Variants in ATRN observed in about 807,000 individuals in gnomAD.
The protein encoded by ATRN is attractin, also known as attractin-2.
Under a neutral mutation model 178.7 loss-of-function variants are expected in ATRN, and 54 were observed. The observed-to-expected ratio is 0.30, with a 90% confidence interval of 0.24 to 0.38. The LOEUF is 0.38. Ranked by LOEUF, ATRN falls within the 10% of genes least tolerant of loss-of-function variation. ATRN has a pLI of 1.00. For missense variants in ATRN, 1,443 were observed against 1,815.1 expected, an observed-to-expected ratio of 0.79 and a Z score of 3.73; for synonymous variants, 636 against 663.0, an observed-to-expected ratio of 0.96 and a Z score of 0.63.
intron 24 of ATRN, among the ~76,000 whole-genome samples, chr20:3,607,738 C>T (rs1304567790): frequency 1.3e-5 from 2 of 152,206 alleles, no homozygotes; most frequent in Non-Finnish European, 2.9e-5. Context: ...TGGATATATA[C>T]CCAGCAGCGG....
chr20:3,616,033 T>C (rs1340559488), intron 24 of ATRN: 1 of 114,788 alleles, frequency 8.7e-6, no homozygotes, highest in African/African-American at 3.3e-5. Flanking sequence ...CCCTAAAACT[T>C]AAAGTATAAT....
chr20:3,538,510 G>A (rs768248323), intron 2 of ATRN, among the ~76,000 whole-genome samples: 36 of 152,160 alleles, frequency 2.4e-4, no homozygotes, highest in Non-Finnish European at 4.0e-4. Flanking sequence ...GCTCTGCTGT[G>A]TCCTATCAGT....
chr20:3,480,821 A>T (rs2084609718), intron 1 of ATRN, among the ~76,000 whole-genome samples: 1 of 152,248 alleles, frequency 6.6e-6, no homozygotes, highest in African/African-American at 2.4e-5. Context: ...GTGATTTAAT[A>T]CATTTGTAGG....
chr20:3,591,878 G>A (rs989069963), intron 19 of ATRN, among the ~76,000 whole-genome samples: 4 of 152,186 alleles, frequency 2.6e-5, no homozygotes, highest in African/African-American at 4.8e-5. Context: ...GGGAATAAAG[G>A]CTCCAGGGCT....
chr20:3,609,714 A>ATGTGTG (rs34028518), intron 24 of ATRN, among the ~76,000 whole-genome samples: 6,358 of 146,150 alleles, frequency 0.044, 155 homozygotes, highest in Middle Eastern at 0.079. Context: ...GTATGTATGT[A>ATGTGTG]TGTGTGTGTG....
intron 1 of ATRN, among the ~76,000 whole-genome samples, chr20:3,473,420 GGCAGGA>G (rs1039777505): frequency 1.3e-5 from 2 of 152,170 alleles, no homozygotes; most frequent in Non-Finnish European, 2.9e-5. Flanking sequence ...AAGGCCAGGT[GGCAGGA>G]GCAGAGAGAG....
rs538338672 is a variant in ATRN at position 3,512,209 on chromosome 20, A to C, written c.411-23044A>C. Among the ~76,000 whole-genome samples, 3 of 149,188 alleles carry C rather than the reference A, an allele frequency of 2.0e-5. No individual in the cohort carries two copies. In the South Asian group the frequency reaches 6.4e-4, roughly 32 times the overall value. On this transcript the variant is annotated intron_variant, in intron 1 of 28. Coordinates refer to ENST00000262919, the MANE Select transcript of ATRN (RefSeq NM_139321.3). ...GCCATGTTGGTGTGCTGCACCCATT[A>C]ACTTGTCATTTAACATTAGGTATAT...
intron 24 of ATRN, among the ~76,000 whole-genome samples, chr20:3,613,797 T>C (rs2086800232): frequency 6.6e-6 from 1 of 151,986 alleles, no homozygotes; most frequent in African/African-American, 2.4e-5. Flanking sequence ...AATGAGATTT[T>C]AAAAATTGAG....
chr20:3,579,840 A>G (rs2086259541), intron 15 of ATRN, among the ~76,000 whole-genome samples: 1 of 152,140 alleles, frequency 6.6e-6, no homozygotes, highest in Non-Finnish European at 1.5e-5. Context: ...AGCCTCCTTC[A>G]TGTGAAGGTA....
intron 1 of ATRN, among the ~76,000 whole-genome samples, chr20:3,506,155 T>C (rs929691129): frequency 1.3e-5 from 2 of 152,192 alleles, no homozygotes; most frequent in Admixed American, 6.5e-5. Context: ...GTCAATATTC[T>C]GGTTGTGATA....
intron 15 of ATRN, among the ~76,000 whole-genome samples, chr20:3,581,173 G>A (rs2086278137): frequency 6.6e-6 from 1 of 152,202 alleles, no homozygotes; most frequent in African/African-American, 2.4e-5. Flanking sequence ...GGTTGCTTGA[G>A]CCCAGGGGTT....
At position 3,632,460 on chromosome 20, in the gene ATRN, G is replaced by C. The variant is rs1042674443; in HGVS notation, c.3864-1851G>C. On this transcript the variant is annotated intron_variant, in intron 25 of 28. Transcript: ENST00000262919. The surrounding 1 kb of genome is among the most constrained non-coding windows in gnomAD (Gnocchi z 4.2). ...CCCACTCCAAACATGCTGGCCTCCT[G>C]AGGCTCCCCAAGCCATCCCAGGCAC... Among the ~76,000 whole-genome samples, 1 of 152,082 alleles carries C rather than the reference G, an allele frequency of 6.6e-6. No homozygotes were observed. The highest frequency in any genetic ancestry group is 2.4e-5 in the African/African-American group (1 of 41,420).
At chr20:3,483,111 A>G (rs529249760) in intron 1 of ATRN, among the ~76,000 whole-genome samples, 8 of 152,006 alleles carry the variant, frequency 5.3e-5, no homozygotes, top group Non-Finnish European at 7.4e-5. Flanking sequence ...GCATGTTTCT[A>G]CTCTTATTAC....
At chr20:3,479,219 C>T (rs780238174) in intron 1 of ATRN, among the ~76,000 whole-genome samples, 5 of 152,140 alleles carry the variant, frequency 3.3e-5, no homozygotes, top group Non-Finnish European at 7.3e-5. Context: ...AATGAGTCAT[C>T]TGCTAATTCA....
intron 25 of ATRN, among the ~76,000 whole-genome samples, chr20:3,634,072 GCT>G (rs1424930862): frequency 6.6e-6 from 1 of 152,164 alleles, no homozygotes; most frequent in African/African-American, 2.4e-5. Flanking sequence ...GAAGGTCAGG[GCT>G]CTCTCTGAAT....
At chr20:3,475,381 C>G (rs921705599) in intron 1 of ATRN, among the ~76,000 whole-genome samples, 2 of 152,082 alleles carry the variant, frequency 1.3e-5, no homozygotes, top group Non-Finnish European at 1.5e-5. Flanking sequence ...CTCAGGACAA[C>G]TCTGAGGGTG....
chr20:3,498,225 G>A (rs2084908223), intron 1 of ATRN, among the ~76,000 whole-genome samples: 1 of 152,158 alleles, frequency 6.6e-6, no homozygotes, highest in Non-Finnish European at 1.5e-5. Context: ...AGGACCAGAT[G>A]AATTCACAGC....
intron 25 of ATRN, among the ~76,000 whole-genome samples, chr20:3,628,463 A>G (rs976466670): frequency 3.9e-5 from 6 of 152,268 alleles, no homozygotes; most frequent in African/African-American, 1.4e-4. Flanking sequence ...AGAAATAAAC[A>G]ATTTATAAGT....
rs1019465120 is a variant in ATRN at position 3,583,906 on chromosome 20, A to G, written c.2773A>G (p.Ser925Gly). ...GSVCERPANH[S>G]AKQCRTPCAL... is the part of the protein sequence containing the mutation. ...TTGGGTTTCATTCCCAGCAAACCAC[A>G]GTGCTAAGCAGTGCCGGACACCATG... is the stretch of plus-strand genomic sequence containing the variant. The change falls in exon 17 of 29, where the codon AGT becomes GGT. Residue 925 changes from serine to glycine, a missense_variant. By Grantham distance (56) the Ser-to-Gly change is moderately conservative. Coordinates refer to ENST00000262919, the MANE Select transcript of ATRN (RefSeq NM_139321.3). 1.2e-6 allele frequency: 2 copies of G among 1,613,412 alleles called. No homozygotes were observed. The highest frequency in any genetic ancestry group is 1.7e-6 in the Non-Finnish European group (2 of 1,179,522).
Sources: gnomAD v4.1 joint callset for allele counts (sites outside exome capture counted in the v4.1 genomes callset) on GRCh38, gnomAD v4.1.1 for gene constraint, Gnocchi (gnomAD v3.1) non-coding constraint, MANE v1.5 for transcripts, NCBI Gene and HGNC (gene_info 2026-07-23, HGNC 2026-07-21) for gene names.